Variants in WDR17 observed in about 807,000 individuals in gnomAD.
WDR17 encodes the protein WD repeat-containing protein 17.
WDR17 carries 143 observed loss-of-function variants against 161.7 expected under a neutral mutation model. The ratio of observed to expected loss-of-function variants is 0.88; its 90% confidence interval spans 0.77 to 1.02. The LOEUF (loss-of-function observed/expected upper bound fraction) is 1.02. Among genes scored for constraint, WDR17 ranks in the 50% least tolerant of loss-of-function variants. The probability of loss-of-function intolerance (pLI) is 0.00; values close to 1 mark genes in which losing one functional copy is unlikely to be tolerated. For missense variants in WDR17, 1,469 were observed against 1,520.9 expected (o/e 0.97, Z 0.57); for synonymous variants, 517 against 515.6 (o/e 1.00, Z -0.04).
rs753307188 is a variant in WDR17 at position 176,077,682 on chromosome 4, AT to A, written c.-7+11604del. ...ACTAGCTCATGTAACTTAAAAAAAA[AT>A]CTAAGGATAGAGTTGGATGATTGTA... is the stretch of plus-strand genomic sequence containing the variant. On this transcript the variant is annotated intron_variant, in intron 1 of 28. Transcript: ENST00000508596. Among the ~76,000 whole-genome samples, 4 of 152,238 alleles carry A rather than the reference AT, an allele frequency of 2.6e-5. No homozygotes were observed. In the East Asian group the frequency reaches 5.8e-4, roughly 22 times the overall value.
intron 28 of WDR17, among the ~76,000 whole-genome samples, chr4:176,178,692 C>A (rs954900576): frequency 6.6e-6 from 1 of 152,192 alleles, no homozygotes; most frequent in Non-Finnish European, 1.5e-5. Flanking sequence ...GAGCTGTCTA[C>A]TTTACATACT....
intron 1 of WDR17, among the ~76,000 whole-genome samples, chr4:176,100,528 G>A (rs749024533): frequency 6.6e-6 from 1 of 151,982 alleles, no homozygotes; most frequent in Non-Finnish European, 1.5e-5. Flanking sequence ...CTCCTATTCT[G>A]CAGGTTGTGT....
In WDR17 at chr4:176,110,173, G is replaced by A. The variant is rs188637295; in HGVS notation, c.-6-1402G>A. On this transcript the variant is annotated intron_variant, in intron 1 of 28. Transcript: ENST00000508596. ...TTTATTTTTTTTGAGACAGAGTCTC[G>A]CTCTGTTGCCCAGGCTGGAGTGCAG... is the stretch of plus-strand genomic sequence containing the variant. Among the ~76,000 whole-genome samples, 589 of 151,682 alleles carry A rather than the reference G, an allele frequency of 3.9e-3. 5 individuals are homozygous for A. The highest frequency in any genetic ancestry group is 0.013 in the African/African-American group (538 of 41,322).
chr4:176,069,893 A>G (rs1733003706), intron 1 of WDR17, among the ~76,000 whole-genome samples: 1 of 152,212 alleles, frequency 6.6e-6, no homozygotes, highest in Non-Finnish European at 1.5e-5. Context: ...GAAATAGCTA[A>G]CATTTAATTA....
intron 1 of WDR17, among the ~76,000 whole-genome samples, chr4:176,074,036 T>C (rs1296444365): frequency 6.6e-6 from 1 of 151,568 alleles, no homozygotes; most frequent in African/African-American, 2.4e-5. Context: ...AAAAATGTTC[T>C]CCCATTTTGT....
intron 1 of WDR17, among the ~76,000 whole-genome samples, chr4:176,084,788 A>T (rs868511163): frequency 1.4e-4 from 21 of 146,016 alleles, no homozygotes; most frequent in African/African-American, 3.7e-4. Context: ...ATATATATAA[A>T]ATATATATAT....
chr4:176,104,183 T>C (rs1309309630), intron 1 of WDR17, among the ~76,000 whole-genome samples: 1 of 152,014 alleles, frequency 6.6e-6, no homozygotes, highest in Non-Finnish European at 1.5e-5. Flanking sequence ...CTTTCAGAAG[T>C]GAGGGAGAAA....
chr4:176,077,441 T>C (rs144395782), intron 1 of WDR17, among the ~76,000 whole-genome samples: 1 of 152,196 alleles, frequency 6.6e-6, no homozygotes, highest in Non-Finnish European at 1.5e-5. Context: ...GCATTGTGGA[T>C]GGTCCATCTA....
rs1030215333 is a variant in WDR17 at position 176,146,295 on chromosome 4, G to A, written c.1694+136G>A. Reference sequence around the variant, plus strand: ...GTCACCCAGGCTGGAATGCAGTGGCGTGATCGTGGTTTACTGCAATCTCCA... The same window carrying A: ...GTCACCCAGGCTGGAATGCAGTGGCATGATCGTGGTTTACTGCAATCTCCA... On this transcript the variant is annotated intron_variant, in intron 12 of 28. Coordinates refer to ENST00000508596, the MANE Select transcript of WDR17 (RefSeq NM_181265.4). The A allele has an allele frequency of 1.6e-5, 14 of 874,952 alleles. No individual in the cohort carries two copies. The East Asian group carries it at 2.8e-4, about 17-fold the overall frequency. The allele number at this position is 874,952 out of a possible 1,614,324, so 54.2% of individuals were successfully genotyped here. A position where few individuals can be genotyped will look rare whatever the true frequency, so the allele number is the denominator to read the frequency against.
At chr4:176,156,852 G>C (rs1306553061) in intron 18 of WDR17, among the ~76,000 whole-genome samples, 1 of 152,098 alleles carries the variant, frequency 6.6e-6, no homozygotes, top group Admixed American at 6.6e-5. Flanking sequence ...GTTGCGTGCA[G>C]TCCTTGGCAT....
At chr4:176,143,059 A>G (rs1457064790) in intron 11 of WDR17, among the ~76,000 whole-genome samples, 3 of 152,062 alleles carry the variant, frequency 2.0e-5, no homozygotes, top group Non-Finnish European at 4.4e-5. Flanking sequence ...TTGTATTTTT[A>G]GTAGAGACGG....
intron 1 of WDR17, among the ~76,000 whole-genome samples, chr4:176,076,214 AATATATAT>A (rs1219401869): frequency 0.029 from 1,798 of 62,170 alleles, 27 homozygotes; most frequent in Middle Eastern, 0.06. Context: ...TTACATATAT[AATATATAT>A]ATATATATAT....
At chr4:176,142,178 C>T (rs1745383506) in intron 11 of WDR17, 109 bp downstream of exon 11, 1 of 725,274 alleles carries the variant, frequency 1.4e-6, no homozygotes, top group Non-Finnish European at 2.2e-6. Context: ...TCTATTTATA[C>T]AATATCCCCT....
At chr4:176,066,315 A>T (rs1043799648) in intron 1 of WDR17, among the ~76,000 whole-genome samples, 2 of 152,192 alleles carry the variant, frequency 1.3e-5, no homozygotes, top group African/African-American at 4.8e-5. Context: ...ATATTTATGT[A>T]TCTAAACTAC....
chr4:176,099,876 G>A (rs1025424392), intron 1 of WDR17, among the ~76,000 whole-genome samples: 9 of 152,068 alleles, frequency 5.9e-5, no homozygotes, highest in Non-Finnish European at 1.0e-4. Flanking sequence ...TTTCACTTAA[G>A]ATAATGACCT....
At chr4:176,121,035 A>C (rs1741496124) in intron 4 of WDR17, among the ~76,000 whole-genome samples, 2 of 152,178 alleles carry the variant, frequency 1.3e-5, no homozygotes, top group Non-Finnish European at 2.9e-5. Flanking sequence ...AAGAAAGATA[A>C]AAATAAATGT....
At position 176,096,594 on chromosome 4, in the gene WDR17, C is replaced by T. The variant is rs755600814; in HGVS notation, c.-6-14981C>T. 142 of 1,566,326 alleles carry T rather than the reference C, an allele frequency of 9.1e-5. 3 individuals carry two copies. The East Asian group carries it at 3.3e-3, about 37-fold the overall frequency. ...ATGAAGGACTACAAAGAGTAAGATA[C>T]ATTTACTTGTAATTACGATTTCCTG... On this transcript the variant is annotated intron_variant, in intron 1 of 28. Coordinates refer to ENST00000508596, the MANE Select transcript of WDR17 (RefSeq NM_181265.4).
Position 176,167,514 on chromosome 4 carries a change from C to T in WDR17, c.2991-1158C>T, listed in dbSNP as rs1045215695. 4.1e-4 allele frequency among the ~76,000 whole-genome samples: 61 copies of T among 149,920 alleles called. 1 individual carries two copies. The highest frequency in any genetic ancestry group is 3.1e-4 in the Non-Finnish European group (21 of 67,528). On this transcript the variant is annotated intron_variant, in intron 22 of 28. Transcript: ENST00000508596. ...ACAAAAAATTAGCCGGGCGAGGTGG[C>T]GGGCGCCTGTAGTCCCAGCTACTCG...
At chr4:176,155,545 G>GTTTTTTTTTTT (rs869207103) in intron 17 of WDR17, among the ~76,000 whole-genome samples, 45 of 105,222 alleles carry the variant, frequency 4.3e-4, no homozygotes, top group African/African-American at 1.2e-3. Context: ...ATTTGTTTGT[G>GTTTTTTTTTTT]TTTTTTTTTT....
Sources: gnomAD v4.1 joint callset for allele counts (sites outside exome capture counted in the v4.1 genomes callset) on GRCh38, gnomAD v4.1.1 for gene constraint, MANE v1.5 for transcripts, NCBI Gene and HGNC (gene_info 2026-07-23, HGNC 2026-07-21) for gene names.